RIC8B: variants seen among roughly 807,000 people sequenced by gnomAD.
RIC8B encodes the protein chaperone Ric-8B.
In RIC8B, 16 loss-of-function variants were observed where a neutral mutation model predicts 57.5. That is an observed-to-expected ratio of 0.28 (90% CI 0.19 to 0.42). The LOEUF is 0.42. Among genes scored for constraint, RIC8B ranks in the 10% least tolerant of loss-of-function variants. The probability of loss-of-function intolerance (pLI) is 1.00; values close to 1 mark genes in which losing one functional copy is unlikely to be tolerated. For synonymous variants in RIC8B, 216 were observed against 250.8 expected, an observed-to-expected ratio of 0.86 and a Z score of 1.31; for missense variants, 481 against 677.0, an observed-to-expected ratio of 0.71 and a Z score of 3.21.
At chr12:106,875,042 A>G (rs1950601272) in intron 9 of RIC8B, among the ~76,000 whole-genome samples, 1 of 152,148 alleles carries the variant, frequency 6.6e-6, no homozygotes, top group African/African-American at 2.4e-5. Flanking sequence ...TTTTTGCTTT[A>G]AAATACCTAC....
chr12:106,808,024 G>T (rs1460847548), intron 2 of RIC8B, among the ~76,000 whole-genome samples: 1 of 150,672 alleles, frequency 6.6e-6, no homozygotes, highest in Non-Finnish European at 1.5e-5. Context: ...GGCGGAGGTT[G>T]CAGTGAGCTG....
At chr12:106,803,764 A>G (rs972700873) in intron 2 of RIC8B, among the ~76,000 whole-genome samples, 1 of 152,220 alleles carries the variant, frequency 6.6e-6, no homozygotes, top group Admixed American at 6.5e-5. Context: ...TGGAGAGAAA[A>G]CTATGTCACT....
At chr12:106,799,614 C>T (rs1202354417) in intron 2 of RIC8B, among the ~76,000 whole-genome samples, 1 of 152,172 alleles carries the variant, frequency 6.6e-6, no homozygotes, top group Non-Finnish European at 1.5e-5. Flanking sequence ...AAATAATTAC[C>T]ATAAGCATGT....
rs1230934338 is a variant in RIC8B, at chr12:106,886,109, C to T, written c.*94C>T. On this transcript the variant is annotated 3_prime_UTR_variant, in exon 10 of 10. Coordinates refer to ENST00000392837, the MANE Select transcript of RIC8B (RefSeq NM_001330145.2). ...TTTCTCTAAAACATTTATGCCCTTG[C>T]TTTGGCTAGAAACACATTAACTGGT... 2 of 874,672 alleles carry T rather than the reference C, an allele frequency of 2.3e-6. No individual in the cohort carries two copies. Among genetic ancestry groups the T allele is most frequent in the Non-Finnish European group, 3.7e-6 (2 of 540,004 alleles). The allele number at this position is 874,672 out of a possible 1,614,324, so 54.2% of individuals were successfully genotyped here. A position where few individuals can be genotyped will look rare whatever the true frequency, so the allele number is the denominator to read the frequency against.
At position 106,853,721 on chromosome 12, in the gene RIC8B, C is replaced by T. The variant is rs139915287; in HGVS notation, c.1306+2127C>T. On this transcript the variant is annotated intron_variant, in intron 7 of 9. Coordinates refer to ENST00000392837, the MANE Select transcript of RIC8B (RefSeq NM_001330145.2). ...TGTCCTTGTGATCTGCCCACCTCGGCCTCCCAAAGTGCTGGTATTACAGGC... is the reference window on the plus strand; with the variant it reads ...TGTCCTTGTGATCTGCCCACCTCGGTCTCCCAAAGTGCTGGTATTACAGGC... 3.6e-3 allele frequency among the ~76,000 whole-genome samples: 540 copies of T among 152,058 alleles called. 4 individuals carry two copies. The highest frequency in any genetic ancestry group is 0.013 in the African/African-American group (521 of 41,454).
At chr12:106,832,844 T>G (rs1386483513) in intron 4 of RIC8B, among the ~76,000 whole-genome samples, 1 of 152,162 alleles carries the variant, frequency 6.6e-6, no homozygotes, top group East Asian at 1.9e-4. Flanking sequence ...TCTCAGGAAA[T>G]TAAGTGGCTC....
chr12:106,870,916 T>G lies in RIC8B; in HGVS notation c.1545T>G (p.Leu515=). 6.5e-7 allele frequency: 1 copy of G among 1,549,996 alleles called. No individual in the cohort carries two copies. Among genetic ancestry groups the G allele is most frequent in the Non-Finnish European group, 8.7e-7 (1 of 1,145,772 alleles). Residue 515 remains leucine, a synonymous_variant, in exon 9 of 10, where the codon CTT becomes CTG. Transcript: ENST00000392837. ...EEQKEYEAMK[L]VNMLDKLSRE... Reference sequence around the variant, plus strand: ...AAAAAGAATATGAAGCCATGAAACTTGTCAACATGCTTGATAAACTTTCCA... The same window carrying G: ...AAAAAGAATATGAAGCCATGAAACTGGTCAACATGCTTGATAAACTTTCCA...
At chr12:106,811,417 A>G (rs2045328773) in intron 2 of RIC8B, among the ~76,000 whole-genome samples, 1 of 152,240 alleles carries the variant, frequency 6.6e-6, no homozygotes, top group Non-Finnish European at 1.5e-5. Context: ...TCCCAGACCT[A>G]CTGAGTCAGA....
intron 2 of RIC8B, among the ~76,000 whole-genome samples, chr12:106,813,962 T>G (rs1220021522): frequency 1.3e-5 from 2 of 152,196 alleles, no homozygotes; most frequent in Non-Finnish European, 2.9e-5. Flanking sequence ...GATATTTGGG[T>G]TCATTCTAGA....
intron 7 of RIC8B, among the ~76,000 whole-genome samples, chr12:106,859,540 T>C (rs542498388): frequency 1.5e-4 from 23 of 152,078 alleles, no homozygotes; most frequent in African/African-American, 5.6e-4. Flanking sequence ...GTAGATACTT[T>C]TCATACTTTG....
chr12:106,885,194 G>A (rs1951119203), intron 9 of RIC8B, among the ~76,000 whole-genome samples: 1 of 152,168 alleles, frequency 6.6e-6, no homozygotes, highest in Non-Finnish European at 1.5e-5. Context: ...GTAACTTGTG[G>A]AGTAGATATA....
chr12:106,860,516 GA>G (rs984618047), intron 8 of RIC8B, 104 bp downstream of exon 8: 2 of 951,198 alleles, frequency 2.1e-6, no homozygotes, highest in African/African-American at 3.4e-5. Context: ...TGTGGATTTG[GA>G]AACTTTCCAT....
Position 106,887,166 on chromosome 12 carries a change from G to A in RIC8B, c.*1151G>A, listed in dbSNP as rs1018009287. 1.5e-4 allele frequency: 23 copies of A among 152,308 alleles called. No individual in the cohort carries two copies. The highest frequency in any genetic ancestry group is 5.6e-4 in the African/African-American group (23 of 41,322). The allele number at this position is 152,308 out of a possible 1,614,324, so 9.4% of individuals were successfully genotyped here. On this transcript the variant is annotated 3_prime_UTR_variant, in exon 10 of 10. Coordinates refer to ENST00000392837, the MANE Select transcript of RIC8B (RefSeq NM_001330145.2). ...AAAGTTGAAAAGGGGTTGGTTTCCTGTATATATATGTATGTATATACACAC... is the reference window on the plus strand; with the variant it reads ...AAAGTTGAAAAGGGGTTGGTTTCCTATATATATATGTATGTATATACACAC...
intron 2 of RIC8B, 51 bp from the exon 3 acceptor site, chr12:106,814,645 A>C: frequency 6.6e-7 from 1 of 1,526,174 alleles, no homozygotes; most frequent in South Asian, 1.3e-5. Flanking sequence ...ATTCTGTGTT[A>C]AGTCATTTGA....
At chr12:106,865,634 A>C (rs1387234631) in intron 8 of RIC8B, among the ~76,000 whole-genome samples, 3 of 151,902 alleles carry the variant, frequency 2.0e-5, no homozygotes, top group Non-Finnish European at 4.4e-5. Context: ...CGCTGCTACC[A>C]CTCTGGTCCA....
chr12:106,813,316 G>A (rs181974652), intron 2 of RIC8B, among the ~76,000 whole-genome samples: 23 of 148,172 alleles, frequency 1.6e-4, no homozygotes, highest in Admixed American at 5.5e-4. Flanking sequence ...TCAGCCTCCC[G>A]AGTAGCTGAG....
intron 4 of RIC8B, among the ~76,000 whole-genome samples, chr12:106,831,597 A>AG (rs2046353924): frequency 6.6e-6 from 1 of 152,208 alleles, no homozygotes; most frequent in African/African-American, 2.4e-5. Context: ...AAAGCCTTCA[A>AG]ATACATCTTA....
chr12:106,832,493 G>A (rs2046396034), intron 4 of RIC8B, among the ~76,000 whole-genome samples: 1 of 151,948 alleles, frequency 6.6e-6, no homozygotes, highest in Non-Finnish European at 1.5e-5. Flanking sequence ...CTTGAACCTG[G>A]GGGGCTGAGA....
chr12:106,882,647 G>T (rs1414957789), intron 9 of RIC8B, among the ~76,000 whole-genome samples: 2 of 152,096 alleles, frequency 1.3e-5, no homozygotes, highest in Non-Finnish European at 2.9e-5. Flanking sequence ...CAGACTTCCT[G>T]ACTCCAGATC....
Sources: allele counts gnomAD v4.1 joint callset (sites outside exome capture counted in the v4.1 genomes callset), GRCh38; gene constraint gnomAD v4.1.1; transcripts MANE v1.5; gene names NCBI Gene and HGNC (gene_info 2026-07-23, HGNC 2026-07-21).